The following MALT1 variants were observed in gnomAD, a reference collection of about 807,000 sequenced individuals.
The protein encoded by MALT1 is mucosa-associated lymphoid tissue lymphoma translocation protein 1.
In MALT1, 36 loss-of-function variants were observed where a neutral mutation model predicts 85.5. The ratio of observed to expected loss-of-function variants is 0.42; its 90% CI spans 0.32 to 0.56. The LOEUF (loss-of-function observed/expected upper bound fraction) is 0.56, where lower values mean the gene tolerates loss of function less well. Ranked by LOEUF, MALT1 falls within the 20% of genes least tolerant of loss-of-function variation. The pLI is 0.10. For synonymous variants in MALT1, 359 were observed against 361.3 expected (o/e 0.99, Z 0.07); for missense variants, 716 against 981.6 (o/e 0.73, Z 3.62).
rs2055480017 is a variant in MALT1, at chr18:58,753,966, A to G, written c.*6124A>G. 6.6e-6 allele frequency: 1 copy of G among 152,234 alleles called. No individual in the cohort carries two copies. The highest frequency in any genetic ancestry group is 2.4e-5 in the African/African-American group (1 of 41,468). The allele number at this position is 152,234 out of a possible 1,614,324, so 9.4% of individuals were successfully genotyped here. A position where few individuals can be genotyped will look rare whatever the true frequency, so the allele number is the denominator to read the frequency against. ...ATAAATAGCATTTTAGATACTAAAA[A>G]TGATTGGATGAGTATTTCTACATTA... On this transcript the variant is annotated 3_prime_UTR_variant, in exon 17 of 17. Coordinates refer to ENST00000649217, the MANE Select transcript of MALT1 (RefSeq NM_006785.4).
rs929965386 is a variant in MALT1 at position 58,710,809 on chromosome 18, T to C, written c.926-112T>C. 6.7e-5 allele frequency: 44 copies of C among 657,626 alleles called. No individual in the cohort carries two copies. In the Admixed American group the frequency reaches 1.3e-3, roughly 19 times the overall value. The allele number at this position is 657,626 out of a possible 1,614,324, so 40.7% of individuals were successfully genotyped here. ...GTTCATAGTTGGAGGTATTGATGCA[T>C]GTGTTGGTTTGCCAACATTATCTCT... On this transcript the variant is annotated intron_variant, in intron 6 of 16. Coordinates refer to ENST00000649217, the MANE Select transcript of MALT1 (RefSeq NM_006785.4).
chr18:58,708,013 A>G (rs1602308516), intron 4 of MALT1, among the ~76,000 whole-genome samples: 1 of 151,696 alleles, frequency 6.6e-6, no homozygotes, highest in South Asian at 2.1e-4. Flanking sequence ...TTGTTCACCA[A>G]CCCCACCCTT....
intron 1 of MALT1, 42 bp downstream of exon 1, chr18:58,671,894 G>T (rs959083747): frequency 3.7e-5 from 44 of 1,199,230 alleles, no homozygotes; most frequent in Middle Eastern, 3.2e-4. Context: ...CGGGTCGAGC[G>T]GGGTGGGCTG....
chr18:58,727,119 T>C (rs1163265421), intron 10 of MALT1, among the ~76,000 whole-genome samples: 1 of 152,218 alleles, frequency 6.6e-6, no homozygotes, highest in East Asian at 1.9e-4. Flanking sequence ...GTACCTATTA[T>C]TGTTGTCGTT....
intron 14 of MALT1, among the ~76,000 whole-genome samples, chr18:58,743,239 G>A (rs929599950): frequency 6.6e-6 from 1 of 152,196 alleles, no homozygotes; most frequent in African/African-American, 2.4e-5. Flanking sequence ...AGCTGGTCAT[G>A]GTGGCAGGTG....
intron 2 of MALT1, among the ~76,000 whole-genome samples, chr18:58,682,692 A>T (rs908502422): frequency 2.6e-5 from 4 of 152,240 alleles, no homozygotes; most frequent in African/African-American, 7.2e-5. Flanking sequence ...TCCTGGAACC[A>T]CATGGATCAC....
At chr18:58,735,159 T>G in intron 12 of MALT1, 43 bp from the exon 13 acceptor site, 1 of 1,550,382 alleles carries the variant, frequency 6.5e-7, no homozygotes. Flanking sequence ...CATACAGTAT[T>G]TGCCTTTCTG....
intron 16 of MALT1, 82 bp from the exon 17 acceptor site, chr18:58,747,323 G>T: frequency 1.2e-6 from 1 of 857,234 alleles, no homozygotes; most frequent in Non-Finnish European, 1.9e-6. Flanking sequence ...TTGGGGGTGG[G>T]GGTGTGTATG....
intron 1 of MALT1, 82 bp downstream of exon 1, chr18:58,671,934 G>C: frequency 1.0e-6 from 1 of 1,004,336 alleles, no homozygotes; most frequent in Non-Finnish European, 1.3e-6. Flanking sequence ...CTGTCGGTGG[G>C]GCTGAGCGCG....
chr18:58,733,666 C>A, intron 11 of MALT1, 92 bp downstream of exon 11: 9 of 1,041,660 alleles, frequency 8.6e-6, no homozygotes, highest in South Asian at 3.8e-5. Flanking sequence ...AAGCCATTTG[C>A]GTTTGTGAAT....
At position 58,747,022 on chromosome 18, in the gene MALT1, C is replaced by T. The variant is rs956231022; in HGVS notation, c.2038-383C>T. On this transcript the variant is annotated intron_variant, in intron 16 of 16. Transcript: ENST00000649217. ...GGATTATAGGCGTGAGCCACCACGCCGGGCCCAGATCATTTTTTAATTAAA... is the reference window on the plus strand; with the variant it reads ...GGATTATAGGCGTGAGCCACCACGCTGGGCCCAGATCATTTTTTAATTAAA... Among the ~76,000 whole-genome samples, 9 of 152,280 alleles carry T rather than the reference C, an allele frequency of 5.9e-5. No individual in the cohort carries two copies. In the South Asian group the frequency reaches 6.2e-4, roughly 11 times the overall value.
intron 2 of MALT1, among the ~76,000 whole-genome samples, chr18:58,695,589 C>T: frequency 6.6e-6 from 1 of 152,150 alleles, no homozygotes; most frequent in East Asian, 1.9e-4. Context: ...TTGTCTTTGT[C>T]CATTGCATGC....
intron 4 of MALT1, among the ~76,000 whole-genome samples, chr18:58,703,647 G>A (rs2144370073): frequency 6.6e-6 from 1 of 152,270 alleles, no homozygotes; most frequent in South Asian, 2.1e-4. Context: ...AGAACTCACT[G>A]TCACGAGAAC....
At chr18:58,717,293 G>A (rs2054915784) in intron 9 of MALT1, among the ~76,000 whole-genome samples, 1 of 151,910 alleles carries the variant, frequency 6.6e-6, no homozygotes, top group Non-Finnish European at 1.5e-5. Context: ...AACCCGAGAG[G>A]TGGAGGTTGT....
rs1377371403 is a variant in MALT1 at position 58,753,894 on chromosome 18, C to G, written c.*6052C>G. The G allele has an allele frequency of 1.3e-5, 2 of 152,194 alleles. No homozygotes were observed. The highest frequency in any genetic ancestry group is 2.9e-5 in the Non-Finnish European group (2 of 68,014). 9.4% of individuals were successfully genotyped at this position (152,194 alleles called of 1,614,324 possible). A position where few individuals can be genotyped will look rare whatever the true frequency, so the allele number is the denominator to read the frequency against. ...AAAATTAGTAAAGCTGATTCTGCCT[C>G]TAAATCTGAAGTAATTCCCACTTTT... On this transcript the variant is annotated 3_prime_UTR_variant, in exon 17 of 17. Transcript: ENST00000649217.
At chr18:58,700,732 A>G (rs1389811526) in intron 4 of MALT1, 141 bp downstream of exon 4, 10 of 636,578 alleles carry the variant, frequency 1.6e-5, no homozygotes, top group African/African-American at 5.8e-5. Context: ...TATAATGTCA[A>G]CCATTGTTAA....
At chr18:58,672,183 A>AC (rs1471336454) in intron 1 of MALT1, 1 of 235,988 alleles carries the variant, frequency 4.2e-6, no homozygotes, top group African/African-American at 2.3e-5. Context: ...CTGTCAGGGG[A>AC]CCCCTAGGAT....
Position 58,735,483 on chromosome 18 carries a change from G to A in MALT1, c.1603+154G>A, listed in dbSNP as rs1049969583. Among the ~76,000 whole-genome samples, 9 of 152,072 alleles carry A rather than the reference G, an allele frequency of 5.9e-5. No individual in the cohort carries two copies. The South Asian group carries it at 6.2e-4, about 11-fold the overall frequency. On this transcript the variant is annotated intron_variant, in intron 13 of 16. Transcript: ENST00000649217. ...AAAACAATTTTTATATTAATATAAC[G>A]TTCAGCAACACTTCTGCTATTTAAT...
At chr18:58,727,616 G>GTTTTTTTTTTTT (rs751434443) in intron 10 of MALT1, among the ~76,000 whole-genome samples, 1,340 of 120,754 alleles carry the variant, frequency 0.011, 77 homozygotes, top group African/African-American at 0.023. Context: ...GGTTTTTTGT[G>GTTTTTTTTTTTT]TTTTTTTTTT....
Sources: gnomAD v4.1 joint callset for allele counts (sites outside exome capture counted in the v4.1 genomes callset) on GRCh38, gnomAD v4.1.1 for gene constraint, MANE v1.5 for transcripts, NCBI Gene and HGNC (gene_info 2026-07-23, HGNC 2026-07-21) for gene names.